MCMDC2: variants seen among roughly 807,000 people sequenced by gnomAD.
MCMDC2 encodes minichromosome maintenance domain-containing protein 2.
In MCMDC2, 54 loss-of-function variants were observed where a neutral mutation model predicts 75.8. That is an observed-to-expected ratio of 0.71 (90% confidence interval 0.57 to 0.89). The LOEUF (loss-of-function observed/expected upper bound fraction) is 0.89. MCMDC2 is among the 40% of genes least tolerant of loss of function. The pLI is 0.00. For synonymous variants in MCMDC2, 249 were observed against 274.6 expected, an observed-to-expected ratio of 0.91 and a Z score of 0.92; for missense variants, 656 against 780.4, an observed-to-expected ratio of 0.84 and a Z score of 1.90.
chr8:66,912,369 G>GA (rs1813151874), intron 14 of MCMDC2, among the ~76,000 whole-genome samples: 1 of 152,252 alleles, frequency 6.6e-6, no homozygotes, highest in Non-Finnish European at 1.5e-5. Context: ...TCTTGAGATG[G>GA]AATCTATTCC....
At chr8:66,915,116 G>A (rs980950314) in intron 14 of MCMDC2, among the ~76,000 whole-genome samples, 5 of 152,156 alleles carry the variant, frequency 3.3e-5, no homozygotes, top group African/African-American at 1.2e-4. Context: ...GATTGCTTGA[G>A]CCCAGGAGTT....
At chr8:66,896,633 T>G (rs1231121495) in intron 11 of MCMDC2, 147 bp from the exon 12 acceptor site, 6 of 643,842 alleles carry the variant, frequency 9.3e-6, no homozygotes, top group Non-Finnish European at 1.3e-5. Context: ...TCCCAGATTA[T>G]TAAAAAATTA....
Position 66,920,805 on chromosome 8 carries a change from T to A in MCMDC2, c.*1636T>A, listed in dbSNP as rs1297876690. 6.6e-6 allele frequency: 1 copy of A among 152,092 alleles called. No individual in the cohort carries two copies. The highest frequency in any genetic ancestry group is 1.9e-4 in the East Asian group (1 of 5,184). The allele number at this position is 152,092 out of a possible 1,614,324, so 9.4% of individuals were successfully genotyped here. ...CTCCCACCTTAGGCCTCCGAGTAGC[T>A]GGGACTACAGGGACATGCTACCACC... On this transcript the variant is annotated 3_prime_UTR_variant, in exon 15 of 15. Transcript: ENST00000422365.
At chr8:66,923,683 G>A (rs1813631533), downstream of MCMDC2, among the ~76,000 whole-genome samples, 1 of 152,138 alleles carries the variant, frequency 6.6e-6, no homozygotes, top group Non-Finnish European at 1.5e-5. Context: ...GATCACCTGA[G>A]GTCAGGAGTT....
chr8:66,920,127 A>T lies in MCMDC2; in HGVS notation c.*958A>T, dbSNP rs1278565329. 6.6e-6 allele frequency: 1 copy of T among 152,248 alleles called. No individual in the cohort carries two copies. The highest frequency in any genetic ancestry group is 1.5e-5 in the Non-Finnish European group (1 of 68,058). 9.4% of individuals were successfully genotyped at this position (152,248 alleles called of 1,614,324 possible). A position where few individuals can be genotyped will look rare whatever the true frequency, so the allele number is the denominator to read the frequency against. ...CCTTAACAGAGATGCTTAACTGTAC[A>T]GCTGGACCTCTCCCACTCTCCACAG... On this transcript the variant is annotated 3_prime_UTR_variant, in exon 15 of 15. Transcript: ENST00000422365.
At chr8:66,888,111 C>T (rs77568827) in intron 9 of MCMDC2, among the ~76,000 whole-genome samples, 4,169 of 152,174 alleles carry the variant, frequency 0.027, 107 homozygotes, top group African/African-American at 0.05. Context: ...GACAGGGTCA[C>T]GGTCTGTTGC....
intron 14 of MCMDC2, among the ~76,000 whole-genome samples, chr8:66,912,694 CA>C (rs1050771340): frequency 6.6e-6 from 1 of 152,102 alleles, no homozygotes; most frequent in Non-Finnish European, 1.5e-5. Flanking sequence ...AACAGAAAAC[CA>C]AACACCACAT....
intron 14 of MCMDC2, among the ~76,000 whole-genome samples, chr8:66,909,816 T>C (rs919077118): frequency 6.6e-6 from 1 of 152,198 alleles, no homozygotes; most frequent in Non-Finnish European, 1.5e-5. Context: ...AGAGGCCAAA[T>C]GTTAATCACC....
chr8:66,886,775 A>C (rs1811862267), intron 9 of MCMDC2, among the ~76,000 whole-genome samples: 1 of 130,416 alleles, frequency 7.7e-6, no homozygotes, highest in Non-Finnish European at 1.8e-5. Context: ...ACTCAGTCTC[A>C]AAAAAAAAAA....
In MCMDC2 at chr8:66,878,881, A is replaced by T; in HGVS notation, c.671A>T (p.Gln224Leu). ...LRAFQGYSNNQPFRFQSLTIF... is the reference protein window; with the variant it reads ...LRAFQGYSNNLPFRFQSLTIF... ...GCTTTTCAAGGATATTCTAACAACCAGCCATTTAGGTTTCAATCACTTACA... is the reference window on the plus strand; with the variant it reads ...GCTTTTCAAGGATATTCTAACAACCTGCCATTTAGGTTTCAATCACTTACA... Residue 224 changes from glutamine to leucine, a missense_variant, in exon 7 of 15, where the codon CAG (glutamine) becomes CTG (leucine). Gln to Leu is a moderately radical substitution (Grantham distance 113, BLOSUM62 -2). Coordinates refer to ENST00000422365, the MANE Select transcript of MCMDC2 (RefSeq NM_173518.5). The T allele has an allele frequency of 6.2e-7, 1 of 1,610,328 alleles. No homozygotes were observed. Among genetic ancestry groups the T allele is most frequent in the South Asian group, 1.1e-5 (1 of 90,594 alleles).
chr8:66,895,303 A>G (rs908508869), intron 10 of MCMDC2, among the ~76,000 whole-genome samples: 1 of 152,108 alleles, frequency 6.6e-6, no homozygotes, highest in Non-Finnish European at 1.5e-5. Flanking sequence ...ATGGCTGACT[A>G]TAAATGGAAT....
intron 10 of MCMDC2, among the ~76,000 whole-genome samples, chr8:66,894,811 T>C (rs1159275710): frequency 6.6e-6 from 1 of 152,206 alleles, no homozygotes; most frequent in Non-Finnish European, 1.5e-5. Flanking sequence ...TTTTAGAATA[T>C]TCACAGAGTT....
intron 5 of MCMDC2, among the ~76,000 whole-genome samples, 174 bp downstream of exon 5, chr8:66,877,718 A>G (rs1242972950): frequency 6.6e-6 from 1 of 152,066 alleles, no homozygotes; most frequent in African/African-American, 2.4e-5. Context: ...TACAAAAATT[A>G]GCCCAGCATG....
chr8:66,890,950 A>C lies in MCMDC2; in HGVS notation c.1159A>C (p.Lys387Gln). 1 of 1,613,890 alleles carries C rather than the reference A, an allele frequency of 6.2e-7. No individual in the cohort carries two copies. The highest frequency in any genetic ancestry group is 1.7e-5 in the Admixed American group (1 of 59,978). ...TEIFPTLSRN[K>Q]YGTGAVSIQA... ...AATTTTTCCCACTCTATCCAGGAAT[A>C]AGTATGGAACTGGAGCAGTTAGCAT... Residue 387 changes from lysine (K) to glutamine (Q), a missense_variant, in exon 10 of 15, where the codon AAG (lysine) becomes CAG (glutamine). Lys to Gln is a moderately conservative substitution (Grantham distance 53). Transcript: ENST00000422365.
chr8:66,925,086 G>C (rs928665229), downstream of MCMDC2, among the ~76,000 whole-genome samples: 8 of 152,212 alleles, frequency 5.3e-5, no homozygotes, highest in African/African-American at 1.4e-4. Flanking sequence ...GGACACAAGA[G>C]AGATCTGGCC....
rs1009640651 is a variant in MCMDC2 at position 66,920,593 on chromosome 8, ATAC to A, written c.*1428_*1430del. 2 of 152,184 alleles carry A rather than the reference ATAC, an allele frequency of 1.3e-5. No individual in the cohort carries two copies. Among genetic ancestry groups the A allele is most frequent in the Admixed American group, 6.5e-5 (1 of 15,274 alleles). 9.4% of individuals were successfully genotyped at this position (152,184 alleles called of 1,614,324 possible). A position where few individuals can be genotyped will look rare whatever the true frequency, so the allele number is the denominator to read the frequency against. On this transcript the variant is annotated 3_prime_UTR_variant, in exon 15 of 15. Transcript: ENST00000422365. ...AAGACGTTTATTTTGTGCTTCTCAA[ATAC>A]TACATTTCAAACATGTCTGGCTCTC...
downstream of MCMDC2, among the ~76,000 whole-genome samples, chr8:66,923,355 G>A (rs1813620534): frequency 6.6e-6 from 1 of 152,176 alleles, no homozygotes; most frequent in Middle Eastern, 3.4e-3. Context: ...AGCAGCCCAG[G>A]AGAATAAATC....
chr8:66,910,740 C>T (rs1208398321), intron 14 of MCMDC2, among the ~76,000 whole-genome samples: 26 of 151,230 alleles, frequency 1.7e-4, no homozygotes, highest in Admixed American at 1.1e-3. Context: ...ACCCGGGAGA[C>T]GGAGGTTGTA....
intron 8 of MCMDC2, among the ~76,000 whole-genome samples, chr8:66,883,431 C>G (rs990702834): frequency 2.0e-5 from 3 of 152,072 alleles, no homozygotes; most frequent in Non-Finnish European, 2.9e-5. Context: ...TGACTTCTTC[C>G]TTCTATTACG....
Sources: gnomAD v4.1 joint callset for allele counts (sites outside exome capture counted in the v4.1 genomes callset) on GRCh38, gnomAD v4.1.1 for gene constraint, MANE v1.5 for transcripts, NCBI Gene and HGNC (gene_info 2026-07-23, HGNC 2026-07-21) for gene names.